DNMT3A: variants seen among roughly 807,000 people sequenced by gnomAD.
The protein encoded by DNMT3A is DNA (cytosine-5)-methyltransferase 3A.
In DNMT3A, 267 loss-of-function variants were observed where a neutral mutation model predicts 117.6. That is an observed-to-expected ratio of 2.27 (90% CI 2.05 to 2.51). The LOEUF (loss-of-function observed/expected upper bound fraction) is 2.51. Among genes scored for constraint, DNMT3A ranks in the 30% most tolerant of loss-of-function variants. DNMT3A has a pLI of 0.00. For missense variants in DNMT3A, 1,029 were observed against 1,260.2 expected (o/e 0.82, Z 2.78); for synonymous variants, 432 against 474.8 (o/e 0.91, Z 1.17).
rs188987342 is a variant in DNMT3A, at chr2:25,280,791, C to T, written c.448+1650G>A. ...TTTTAAGAAACACCTGTTGACTGAT[C>T]GATGCAGGAGCCCTTGAGAACAGCT... On this transcript the variant is annotated intron_variant, in intron 4 of 22. Transcript: ENST00000321117. Among the ~76,000 whole-genome samples, 262 of 152,262 alleles carry T rather than the reference C, an allele frequency of 1.7e-3. 2 individuals are homozygous for T. The highest frequency in any genetic ancestry group is 2.2e-3 in the Admixed American group (34 of 15,294).
At chr2:25,266,867 G>A (rs2030404192) in intron 6 of DNMT3A, among the ~76,000 whole-genome samples, 1 of 152,214 alleles carries the variant, frequency 6.6e-6, no homozygotes, top group Non-Finnish European at 1.5e-5. Flanking sequence ...TTTGGCAGAT[G>A]TCATAAAATG....
intron 2 of DNMT3A, among the ~76,000 whole-genome samples, chr2:25,309,005 G>A (rs934755032): frequency 4.6e-4 from 46 of 100,786 alleles, no homozygotes; most frequent in Non-Finnish European, 5.4e-4. Flanking sequence ...ACACACGCAC[G>A]CACATGTGCA....
chr2:25,273,182 G>A (rs1398609778), intron 6 of DNMT3A, among the ~76,000 whole-genome samples: 1 of 151,880 alleles, frequency 6.6e-6, no homozygotes, highest in African/African-American at 2.4e-5. Flanking sequence ...TGCCATGTTG[G>A]GCAGACTGGT....
At chr2:25,259,702 G>C (rs1234281015) in intron 6 of DNMT3A, among the ~76,000 whole-genome samples, 2 of 152,100 alleles carry the variant, frequency 1.3e-5, no homozygotes, top group Non-Finnish European at 2.9e-5. Context: ...TTAACAGCCA[G>C]GCCTGTTTTC....
rs1231651079 is a variant in DNMT3A at position 25,241,697 on chromosome 2, C to A, written c.1947G>T (p.Val649=). 1.2e-6 allele frequency: 2 copies of A among 1,613,898 alleles called. No homozygotes were observed. Among genetic ancestry groups the A allele is most frequent in the East Asian group, 4.5e-5 (2 of 44,868 alleles). ...LFDGIATGLL[V]LKDLGIQVDR... ...CCACCTGAATGCCCAAGTCCTTCAGCACCAGGAGCCCTGCACCAGCCAGCA... is the reference window on the plus strand; with the variant it reads ...CCACCTGAATGCCCAAGTCCTTCAGAACCAGGAGCCCTGCACCAGCCAGCA... The change falls in exon 17 of 23, where the codon GTG becomes GTT. Residue 649 remains valine (V), a synonymous_variant. Coordinates refer to ENST00000321117, the MANE Select transcript of DNMT3A (RefSeq NM_022552.5).
intron 6 of DNMT3A, among the ~76,000 whole-genome samples, chr2:25,264,592 C>A (rs11890077): frequency 6.6e-6 from 1 of 151,410 alleles, no homozygotes; most frequent in East Asian, 2.0e-4. Context: ...CTCAGCCTCC[C>A]GAGTAGCTGG....
chr2:25,307,870 C>T (rs2033869310), intron 2 of DNMT3A, among the ~76,000 whole-genome samples: 1 of 152,220 alleles, frequency 6.6e-6, no homozygotes, highest in Non-Finnish European at 1.5e-5. Context: ...CCATTAAGAG[C>T]AGGAGGGACC....
chr2:25,325,778 A>C (rs1181376196), intron 1 of DNMT3A, among the ~76,000 whole-genome samples: 1 of 152,238 alleles, frequency 6.6e-6, no homozygotes, highest in Non-Finnish European at 1.5e-5. Context: ...TCAGCCACAG[A>C]GCCAAGCAAG....
intron 6 of DNMT3A, among the ~76,000 whole-genome samples, chr2:25,272,005 G>A (rs763194713): frequency 1.8e-4 from 28 of 152,016 alleles, no homozygotes; most frequent in Non-Finnish European, 3.7e-4. Context: ...TTGTTTTTTT[G>A]AGACAGAGTC....
In DNMT3A at chr2:25,306,316, T is replaced by A. The variant is rs1317664435; in HGVS notation, c.73-6073A>T. On this transcript the variant is annotated intron_variant, in intron 2 of 22. Coordinates refer to ENST00000321117, the MANE Select transcript of DNMT3A (RefSeq NM_022552.5). The surrounding 1 kb of genome is among the most constrained non-coding windows in gnomAD (Gnocchi z 4.1). ...GGGCCCAGAGCCCTCCAAAGCCCCCTACTTTTTCTGATCTCAGTCACCTCC... is the reference window on the plus strand; with the variant it reads ...GGGCCCAGAGCCCTCCAAAGCCCCCAACTTTTTCTGATCTCAGTCACCTCC... Among the ~76,000 whole-genome samples, 1 of 152,206 alleles carries A rather than the reference T, an allele frequency of 6.6e-6. No homozygotes were observed. Among genetic ancestry groups the A allele is most frequent in the African/African-American group, 2.4e-5 (1 of 41,440 alleles).
rs1427810477 is a variant in DNMT3A, at chr2:25,304,058, A to G, written c.73-3815T>C. ...AATCTGATCCGTGGTGACATGGGAC[A>G]GCTGAAGAACAGTAACACAGTTCGC... On this transcript the variant is annotated intron_variant, in intron 2 of 22. Coordinates refer to ENST00000321117, the MANE Select transcript of DNMT3A (RefSeq NM_022552.5). This position sits in a 1 kb window ranked among gnomAD's most constrained non-coding sequence, Gnocchi z 4.3. Among the ~76,000 whole-genome samples, 1 of 152,236 alleles carries G rather than the reference A, an allele frequency of 6.6e-6. No homozygotes were observed. Among genetic ancestry groups the G allele is most frequent in the African/African-American group, 2.4e-5 (1 of 41,466 alleles).
chr2:25,246,910 G>A (rs1398800445), intron 9 of DNMT3A, 134 bp from the exon 10 acceptor site: 5 of 1,487,290 alleles, frequency 3.4e-6, no homozygotes, highest in Non-Finnish European at 4.6e-6. Context: ...GGAGCGGGAT[G>A]TGCATACGGG....
intron 1 of DNMT3A, chr2:25,328,546 C>T (rs539159908): frequency 6.6e-5 from 29 of 439,266 alleles, no homozygotes; most frequent in African/African-American, 3.2e-4. Context: ...CTCAAAGAGA[C>T]GAGGTCAGAG....
At chr2:25,280,296 C>T (rs2031785289) in intron 4 of DNMT3A, among the ~76,000 whole-genome samples, 2 of 128,700 alleles carry the variant, frequency 1.6e-5, no homozygotes, top group South Asian at 2.6e-4. Context: ...GCCCACTCCC[C>T]GCCTCCCCAC....
At position 25,230,988 on chromosome 2, in the gene DNMT3A, C is replaced by T. The variant is rs1672848445; in HGVS notation, c.*3291G>A. On this transcript the variant is annotated 3_prime_UTR_variant, in exon 23 of 23. Coordinates refer to ENST00000321117, the MANE Select transcript of DNMT3A (RefSeq NM_022552.5). ...ATGCCCTTGGCTACCAAGTCTCTTCCCAAGTCCCAACACCAACCCTTTGGT... is the reference window on the plus strand; with the variant it reads ...ATGCCCTTGGCTACCAAGTCTCTTCTCAAGTCCCAACACCAACCCTTTGGT... 6.6e-6 allele frequency: 1 copy of T among 152,338 alleles called. No homozygotes were observed. Among genetic ancestry groups the T allele is most frequent in the Non-Finnish European group, 1.5e-5 (1 of 68,152 alleles). The allele number at this position is 152,338 out of a possible 1,614,324, so 9.4% of individuals were successfully genotyped here.
intron 4 of DNMT3A, among the ~76,000 whole-genome samples, chr2:25,278,410 G>T (rs2031631181): frequency 6.6e-6 from 1 of 152,258 alleles, no homozygotes; most frequent in Non-Finnish European, 1.5e-5. Context: ...GGGGCCCTAT[G>T]CTCAGAGTAG....
chr2:25,229,565 C>T lies in DNMT3A; in HGVS notation c.*4714G>A, dbSNP rs1040614486. ...CAAAACAGGGGCCTGGCTAGAAACT[C>T]GGTTCCCACCAGAATGTTGGCTCTG... On this transcript the variant is annotated 3_prime_UTR_variant, in exon 23 of 23. Transcript: ENST00000321117. 6 of 152,400 alleles carry T rather than the reference C, an allele frequency of 3.9e-5. No homozygotes were observed. The East Asian group carries it at 9.7e-4, about 25-fold the overall frequency. 9.4% of individuals were successfully genotyped at this position (152,400 alleles called of 1,614,324 possible).
intron 2 of DNMT3A, among the ~76,000 whole-genome samples, chr2:25,302,011 G>A (rs1383498199): frequency 6.6e-6 from 1 of 152,198 alleles, no homozygotes; most frequent in Non-Finnish European, 1.5e-5. Flanking sequence ...AGACCAGCGG[G>A]AAGAGCATCC....
At chr2:25,316,002 G>C (rs1473684877) in intron 1 of DNMT3A, among the ~76,000 whole-genome samples, 2 of 152,240 alleles carry the variant, frequency 1.3e-5, no homozygotes, top group Non-Finnish European at 2.9e-5. Context: ...CCGGCCCTCA[G>C]TTTCCCCACC....
Sources: allele counts gnomAD v4.1 joint callset (sites outside exome capture counted in the v4.1 genomes callset), GRCh38; gene constraint gnomAD v4.1.1; non-coding constraint Gnocchi (gnomAD v3.1); transcripts MANE v1.5; gene names NCBI Gene and HGNC (gene_info 2026-07-23, HGNC 2026-07-21).